The following NEK9 variants were observed in gnomAD, a reference collection of about 807,000 sequenced individuals.
NEK9 encodes NIMA related kinase 9, also known as serine/threonine-protein kinase Nek9.
In NEK9, 75 loss-of-function variants were observed where a neutral mutation model predicts 123.4. The ratio of observed to expected loss-of-function variants is 0.61; its 90% CI spans 0.50 to 0.74. The LOEUF is 0.74. Ranked by LOEUF, NEK9 falls within the 30% of genes least tolerant of loss-of-function variation. The pLI is 0.00. For missense variants in NEK9, 952 were observed against 1,214.4 expected, an observed-to-expected ratio of 0.78 and a Z score of 3.21; for synonymous variants, 438 against 458.7, an observed-to-expected ratio of 0.95 and a Z score of 0.58.
In NEK9 at chr14:75,106,764, T is replaced by C. The variant is rs528360796; in HGVS notation, c.1328-62A>G. ...TGACTTATTTTATCTAATCAGAAAGTTGGGCAGGGCTGGAATGAGGACTAC... is the reference window on the plus strand; with the variant it reads ...TGACTTATTTTATCTAATCAGAAAGCTGGGCAGGGCTGGAATGAGGACTAC... On this transcript the variant is annotated intron_variant, in intron 11 of 21. Coordinates refer to ENST00000238616, the MANE Select transcript of NEK9 (RefSeq NM_033116.6). 69 of 1,403,500 alleles carry C rather than the reference T, an allele frequency of 4.9e-5. No homozygotes were observed. The African/African-American group carries it at 8.5e-4, about 17-fold the overall frequency. The allele number at this position is 1,403,500 out of a possible 1,614,324, so 86.9% of individuals were successfully genotyped here.
chr14:75,123,445 T>A (rs1285964149), intron 2 of NEK9, among the ~76,000 whole-genome samples: 1 of 151,928 alleles, frequency 6.6e-6, no homozygotes, highest in Non-Finnish European at 1.5e-5. Flanking sequence ...ATGAGGAAAC[T>A]GAGGCACAGA....
intron 13 of NEK9, 73 bp downstream of exon 13, chr14:75,105,877 A>G: frequency 8.5e-7 from 1 of 1,180,608 alleles, no homozygotes; most frequent in Non-Finnish European, 1.3e-6. Context: ...AACAGAGCCA[A>G]GGAAAGAGGA....
intron 12 of NEK9, 48 bp downstream of exon 12, chr14:75,106,454 C>T (rs766278954): frequency 6.4e-7 from 1 of 1,570,652 alleles, no homozygotes; most frequent in East Asian, 2.3e-5. Flanking sequence ...ACTTTGAAGT[C>T]AGGTTGTATA....
chr14:75,109,931 G>A, intron 9 of NEK9, 54 bp from the exon 10 acceptor site: 4 of 1,511,706 alleles, frequency 2.6e-6, no homozygotes, highest in Admixed American at 2.2e-5. Flanking sequence ...CAATATCAAA[G>A]AAAAATGCTT....
Position 75,083,342 on chromosome 14 carries a change from CT to C in NEK9, c.*1221del. The stretch of plus-strand genomic sequence containing the variant: ...TTTGTTCTTCTATGACACTATTTCT[CT>C]TTGGTAAAGCTAGCTTGTTTCTATC... On this transcript the variant is annotated 3_prime_UTR_variant, in exon 22 of 22. Transcript: ENST00000238616. 2.8e-6 allele frequency: 1 copy of C among 356,372 alleles called. No individual in the cohort carries two copies. Among genetic ancestry groups the C allele is most frequent in the Non-Finnish European group, 5.0e-6 (1 of 199,794 alleles). The allele number at this position is 356,372 out of a possible 1,614,324, so 22.1% of individuals were successfully genotyped here. A position where few individuals can be genotyped will look rare whatever the true frequency, so the allele number is the denominator to read the frequency against.
At chr14:75,105,898 G>A in intron 13 of NEK9, 52 bp downstream of exon 13, 1 of 1,346,256 alleles carries the variant, frequency 7.4e-7, no homozygotes, top group Non-Finnish European at 1.1e-6. Flanking sequence ...CATATTATTG[G>A]AGTCTGTGCG....
At position 75,101,691 on chromosome 14, in the gene NEK9, A is replaced by G. The variant is rs754229764; in HGVS notation, c.1806T>C (p.Ile602=). The G allele has an allele frequency of 6.2e-6, 10 of 1,613,990 alleles. No homozygotes were observed. The highest frequency in any genetic ancestry group is 8.5e-6 in the Non-Finnish European group (10 of 1,179,840). The part of the protein sequence containing the change: ...KQLSFYKIRT[I]APGKTHTAAI... ...CAGCTGTGTGAGTCTTGCCTGGGGC[A>G]ATGGTACGGATCTTATAAAAGGACA... Residue 602 remains isoleucine, a synonymous_variant, in exon 15 of 22, where the codon ATT becomes ATC. Transcript: ENST00000238616.
chr14:75,100,762 A>G (rs1894548612), intron 16 of NEK9, among the ~76,000 whole-genome samples: 1 of 152,274 alleles, frequency 6.6e-6, no homozygotes, highest in Non-Finnish European at 1.5e-5. Context: ...GGAGGAATGT[A>G]GAACATTAAC....
At chr14:75,118,990 T>C in intron 4 of NEK9, 55 bp from the exon 5 acceptor site, 1 of 975,890 alleles carries the variant, frequency 1.0e-6, no homozygotes. Context: ...TTTTATTTCA[T>C]CCCCCGCCTT....
chr14:75,096,768 A>C (rs1894398706), intron 17 of NEK9: 2 of 173,210 alleles, frequency 1.2e-5, no homozygotes, highest in Non-Finnish European at 2.4e-5. Context: ...CAGTGAGCCG[A>C]GATCACACCA....
Position 75,126,976 on chromosome 14 carries a change from G to A in NEK9, c.-55C>T. 6.6e-6 allele frequency: 9 copies of A among 1,354,726 alleles called. No individual in the cohort carries two copies. Among genetic ancestry groups the A allele is most frequent in the Non-Finnish European group, 8.7e-6 (9 of 1,034,486 alleles). The allele number at this position is 1,354,726 out of a possible 1,614,324, so 83.9% of individuals were successfully genotyped here. A position where few individuals can be genotyped will look rare whatever the true frequency, so the allele number is the denominator to read the frequency against. On this transcript the variant is annotated 5_prime_UTR_variant, in exon 1 of 22. Transcript: ENST00000238616. ...CTGCGTATGCCCGGAGGCCCTGGCCGCGCTGCGTCCCGCTCGCTTCAGATG... is the reference window on the plus strand; with the variant it reads ...CTGCGTATGCCCGGAGGCCCTGGCCACGCTGCGTCCCGCTCGCTTCAGATG...
chr14:75,084,649 T>G lies in NEK9; in HGVS notation c.2855A>C (p.Glu952Ala), dbSNP rs778908591. The G allele has an allele frequency of 6.2e-7, 1 of 1,614,106 alleles. No individual in the cohort carries two copies. The highest frequency in any genetic ancestry group is 8.5e-7 in the Non-Finnish European group (1 of 1,179,994). ...MHSKGTQTAKEEMEMDPKPDL... is the reference protein window; with the variant it reads ...MHSKGTQTAKAEMEMDPKPDL... Reference sequence around the variant, plus strand: ...AGGCTTTGGATCCATTTCCATCTCTTCCTTTGCTGTCTGAGTTCCTTTGGA... The same window carrying G: ...AGGCTTTGGATCCATTTCCATCTCTGCCTTTGCTGTCTGAGTTCCTTTGGA... Residue 952 changes from glutamate to alanine, a missense_variant, in exon 22 of 22, where the codon GAA (glutamate) becomes GCA (alanine). This residue lies in a region of NEK9 where 698 missense variants were observed against 875.6 expected (regional missense o/e 0.80). Coordinates refer to ENST00000238616, the MANE Select transcript of NEK9 (RefSeq NM_033116.6).
chr14:75,116,178 A>G (rs1282447109), intron 6 of NEK9, among the ~76,000 whole-genome samples: 1 of 152,234 alleles, frequency 6.6e-6, no homozygotes, highest in East Asian at 1.9e-4. Flanking sequence ...TATGCTGGGC[A>G]TGGGGGCTCA....
intron 5 of NEK9, among the ~76,000 whole-genome samples, chr14:75,118,604 T>G (rs1895217359): frequency 6.6e-6 from 1 of 152,212 alleles, no homozygotes; most frequent in African/African-American, 2.4e-5. Context: ...TGCTTTTAGA[T>G]AAGTCCCTAA....
intron 21 of NEK9, 153 bp downstream of exon 21, chr14:75,086,865 C>T (rs1894041109): frequency 5.5e-6 from 4 of 728,130 alleles, no homozygotes; most frequent in Non-Finnish European, 9.1e-6. Flanking sequence ...AAGATAGCAC[C>T]ACTGCACTCT....
chr14:75,104,067 C>A (rs1894683302), intron 13 of NEK9, 70 bp from the exon 14 acceptor site: 4 of 1,457,854 alleles, frequency 2.7e-6, no homozygotes, highest in Admixed American at 2.2e-5. Context: ...CTCTCAAATT[C>A]TTTCAAAAGA....
chr14:75,097,595 AC>A (rs1265695315), intron 16 of NEK9, among the ~76,000 whole-genome samples: 1 of 152,234 alleles, frequency 6.6e-6, no homozygotes, highest in Non-Finnish European at 1.5e-5. Context: ...AGAGCAGTGA[AC>A]AAAACCAAGT....
intron 2 of NEK9, among the ~76,000 whole-genome samples, chr14:75,122,397 G>T (rs975373951): frequency 6.6e-6 from 1 of 152,188 alleles, no homozygotes; most frequent in African/African-American, 2.4e-5. Flanking sequence ...GGGCTTTGGA[G>T]GTTCTCCTGT....
At chr14:75,096,981 G>A (rs1894407200) in intron 17 of NEK9, 119 bp downstream of exon 17, 12 of 905,580 alleles carry the variant, frequency 1.3e-5, no homozygotes, top group Non-Finnish European at 1.9e-5. Context: ...ACCATTACAA[G>A]ACTTACAGAA....
Sources: allele counts gnomAD v4.1 joint callset (sites outside exome capture counted in the v4.1 genomes callset), GRCh38; gene constraint gnomAD v4.1.1; regional missense constraint gnomAD v4.1.1; transcripts MANE v1.5; gene names NCBI Gene and HGNC (gene_info 2026-07-23, HGNC 2026-07-21).